The following ZNF572 variants were observed in gnomAD, a reference collection of about 807,000 sequenced individuals.
ZNF572 encodes the protein zinc finger protein 572.
Under a neutral mutation model 3.8 loss-of-function variants are expected in ZNF572, and 2 were observed. The ratio of observed to expected loss-of-function variants is 0.52; its 90% CI spans 0.21 to 1.65. The LOEUF (loss-of-function observed/expected upper bound fraction) is 1.65, where lower values mean the gene tolerates loss of function less well. Among genes scored for constraint, ZNF572 ranks in the 40% most tolerant of loss-of-function variants. The pLI, the probability that ZNF572 is intolerant of heterozygous loss-of-function variation, is 0.20. For missense variants in ZNF572, 581 were observed against 633.4 expected, an observed-to-expected ratio of 0.92 and a Z score of 0.89; for synonymous variants, 187 against 204.5, an observed-to-expected ratio of 0.91 and a Z score of 0.73.
At position 124,978,688 on chromosome 8, in the gene ZNF572, A is replaced by AT. The variant is rs1384811012; in HGVS notation, c.*832dup. The AT allele has an allele frequency of 6.6e-6, 1 of 152,194 alleles. No homozygotes were observed. Among genetic ancestry groups the AT allele is most frequent in the African/African-American group, 2.4e-5 (1 of 41,452 alleles). 9.4% of individuals were successfully genotyped at this position (152,194 alleles called of 1,614,324 possible). A position where few individuals can be genotyped will look rare whatever the true frequency, so the allele number is the denominator to read the frequency against. ...GGTTTAGACATTGGATATTTTAATGATTGTGTGTTCTAATTCATGTGCTGC... is the reference window on the plus strand; with the variant it reads ...GGTTTAGACATTGGATATTTTAATGATTTGTGTGTTCTAATTCATGTGCTGC... On this transcript the variant is annotated 3_prime_UTR_variant, in exon 3 of 3. Transcript: ENST00000319286.
chr8:124,976,190 A>G (rs1489241263), intron 2 of ZNF572, among the ~76,000 whole-genome samples, 158 bp from the exon 3 acceptor site: 2 of 152,242 alleles, frequency 1.3e-5, no homozygotes, highest in Non-Finnish European at 2.9e-5. Context: ...TGCTTCTGGT[A>G]AACAGAGGAA....
chr8:124,976,840 G>A lies in ZNF572; in HGVS notation c.572G>A (p.Gly191Asp). 6.2e-7 allele frequency: 1 copy of A among 1,612,024 alleles called. No individual in the cohort carries two copies. Among genetic ancestry groups the A allele is most frequent in the East Asian group, 2.2e-5 (1 of 44,680 alleles). The change falls in exon 3 of 3, where the codon GGT (glycine) becomes GAT (aspartate). Residue 191 changes from glycine (G) to aspartate (D), a missense_variant. Gly to Asp is a moderately conservative substitution (Grantham distance 94). Transcript: ENST00000319286. The part of the protein sequence containing the change: ...MHTGEKPYQC[G>D]ECGKSFSNTS... ...ACAGGAGAGAAGCCCTACCAGTGTG[G>A]TGAATGTGGGAAAAGCTTCAGCAAT... is the stretch of plus-strand genomic sequence containing the variant.
rs754676557 is a variant in ZNF572 at position 124,977,572 on chromosome 8, C to A, written c.1304C>A (p.Thr435Lys). 8 of 1,614,218 alleles carry A rather than the reference C, an allele frequency of 5.0e-6. No homozygotes were observed. The highest frequency in any genetic ancestry group is 6.8e-6 in the Non-Finnish European group (8 of 1,180,038). ...CTGGTGATTCACCAAAGGACACATA[C>A]AGGAGAGAAACCTTATAAATGTCCT... is the stretch of plus-strand genomic sequence containing the variant. ...STLVIHQRTH[T>K]GEKPYKCPDC... Residue 435 changes from threonine to lysine, a missense_variant, in exon 3 of 3, where the codon ACA becomes AAA. Physicochemically the swap from Thr to Lys is moderately conservative, Grantham distance 78. Transcript: ENST00000319286.
intron 2 of ZNF572, among the ~76,000 whole-genome samples, chr8:124,976,072 C>T (rs947737020): frequency 6.6e-6 from 1 of 152,028 alleles, no homozygotes; most frequent in Admixed American, 6.6e-5. Flanking sequence ...TCTCTTAAGT[C>T]TTCTAGAACA....
Position 124,977,695 on chromosome 8 carries a change from G to A in ZNF572, c.1427G>A (p.Cys476Tyr). The part of the protein sequence containing the change: ...KPYKCTSCEK[C>Y]FSRSAYLSQH... The stretch of plus-strand genomic sequence containing the variant: ...TACAAATGTACCAGCTGTGAGAAAT[G>A]CTTCAGCAGAAGTGCCTACCTCAGT... The change falls in exon 3 of 3, where the codon TGC becomes TAC. Residue 476 changes from cysteine to tyrosine, a missense_variant. Coordinates refer to ENST00000319286, the MANE Select transcript of ZNF572 (RefSeq NM_152412.3). 1 of 1,614,222 alleles carries A rather than the reference G, an allele frequency of 6.2e-7. No homozygotes were observed. Among genetic ancestry groups the A allele is most frequent in the East Asian group, 2.2e-5 (1 of 44,890 alleles).
Position 124,976,828 on chromosome 8 carries a change from C to A in ZNF572, c.560C>A (p.Pro187His), listed in dbSNP as rs747181195. 4 of 1,614,088 alleles carry A rather than the reference C, an allele frequency of 2.5e-6. No individual in the cohort carries two copies. The highest frequency in any genetic ancestry group is 3.4e-6 in the Non-Finnish European group (4 of 1,180,016). Reference sequence around the variant, plus strand: ...CTAAGAATGCACACAGGAGAGAAGCCCTACCAGTGTGGTGAATGTGGGAAA... The same window carrying A: ...CTAAGAATGCACACAGGAGAGAAGCACTACCAGTGTGGTGAATGTGGGAAA... The part of the protein sequence containing the change: ...QHLRMHTGEK[P>H]YQCGECGKSF... The change falls in exon 3 of 3, where the codon CCC becomes CAC. Residue 187 changes from proline to histidine, a missense_variant. Coordinates refer to ENST00000319286, the MANE Select transcript of ZNF572 (RefSeq NM_152412.3).
rs555282500 is a variant in ZNF572, at chr8:124,977,686, G to GT, written c.1419dup (p.Glu474Ter). The GT allele has an allele frequency of 2.0e-5, 32 of 1,614,128 alleles. No homozygotes were observed. The highest frequency in any genetic ancestry group is 2.7e-5 in the Non-Finnish European group (32 of 1,180,044). ...GAAAAACCTTACAAATGTACCAGCT[G>GT]TGAGAAATGCTTCAGCAGAAGTGCC... On this transcript the variant is annotated frameshift_variant, in exon 3 of 3. Coordinates refer to ENST00000319286, the MANE Select transcript of ZNF572 (RefSeq NM_152412.3). LOFTEE classifies it low-confidence loss of function (END_TRUNC).
chr8:124,975,720 G>GT lies in ZNF572; in HGVS notation c.79+2dup, dbSNP rs1263705659. On this transcript the variant is annotated splice_donor_variant, in intron 2 of 2. Transcript: ENST00000319286. LOFTEE classifies it high-confidence loss of function. ...GAGAGTTTGAAAAGCCCTTTCACAG[G>GT]TGAGGGATCAAGACGATGATCTGAA... 2 of 1,612,782 alleles carry GT rather than the reference G, an allele frequency of 1.2e-6. No individual in the cohort carries two copies. The highest frequency in any genetic ancestry group is 1.7e-6 in the Non-Finnish European group (2 of 1,178,874).
chr8:124,975,880 T>C (rs995133266), intron 2 of ZNF572, among the ~76,000 whole-genome samples, 161 bp downstream of exon 2: 16 of 152,248 alleles, frequency 1.1e-4, no homozygotes, highest in African/African-American at 3.9e-4. Context: ...AAATGAATAA[T>C]ATCTATTTCA....
In ZNF572 at chr8:124,975,831, G is replaced by A. The variant is rs144231474; in HGVS notation, c.79+112G>A. 1.8e-3 allele frequency: 1,424 copies of A among 770,988 alleles called. 7 individuals carry two copies. Among genetic ancestry groups the A allele is most frequent in the Middle Eastern group, 8.4e-3 (36 of 4,270 alleles). 47.8% of individuals were successfully genotyped at this position (770,988 alleles called of 1,614,324 possible). A position where few individuals can be genotyped will look rare whatever the true frequency, so the allele number is the denominator to read the frequency against. On this transcript the variant is annotated intron_variant, in intron 2 of 2. Transcript: ENST00000319286. The stretch of plus-strand genomic sequence containing the variant: ...TTCCTTGTTCTGTCACTTATAAGCT[G>A]TGTTAATTATTTCAGCCTCATTGTT...
chr8:124,977,940 A>G lies in ZNF572; in HGVS notation c.*82A>G. On this transcript the variant is annotated 3_prime_UTR_variant, in exon 3 of 3. Transcript: ENST00000319286. ...GGTATTCTGTGATTGTTGTGCTATAAAGTTTCTTTGATGTGTTTGTCAAAA... is the reference window on the plus strand; with the variant it reads ...GGTATTCTGTGATTGTTGTGCTATAGAGTTTCTTTGATGTGTTTGTCAAAA... The G allele has an allele frequency of 7.0e-7, 1 of 1,432,840 alleles. No homozygotes were observed. Among genetic ancestry groups the G allele is most frequent in the South Asian group, 1.4e-5 (1 of 69,276 alleles). 88.8% of individuals were successfully genotyped at this position (1,432,840 alleles called of 1,614,324 possible). A position where few individuals can be genotyped will look rare whatever the true frequency, so the allele number is the denominator to read the frequency against.
rs1814550135 is a variant in ZNF572, at chr8:124,978,860, TG to T, written c.*1005del. The stretch of plus-strand genomic sequence containing the variant: ...TGTAATTCTTGGTCAGCTCAAGAAC[TG>T]GGTTCTTTTTCTAATAATTAACTCA... On this transcript the variant is annotated 3_prime_UTR_variant, in exon 3 of 3. Coordinates refer to ENST00000319286, the MANE Select transcript of ZNF572 (RefSeq NM_152412.3). 6.6e-6 allele frequency: 1 copy of T among 152,232 alleles called. No homozygotes were observed. Among genetic ancestry groups the T allele is most frequent in the Non-Finnish European group, 1.5e-5 (1 of 68,048 alleles). 9.4% of individuals were successfully genotyped at this position (152,232 alleles called of 1,614,324 possible).
chr8:124,975,029 C>T (rs1242583218), intron 1 of ZNF572, among the ~76,000 whole-genome samples: 2 of 152,072 alleles, frequency 1.3e-5, no homozygotes, highest in Non-Finnish European at 2.9e-5. Flanking sequence ...GGAAGAGGTC[C>T]CTCTTTAGCC....
chr8:124,977,699 C>T lies in ZNF572; in HGVS notation c.1431C>T (p.Phe477=). 1 of 1,614,224 alleles carries T rather than the reference C, an allele frequency of 6.2e-7. No homozygotes were observed. The highest frequency in any genetic ancestry group is 8.5e-7 in the Non-Finnish European group (1 of 1,180,036). The change falls in exon 3 of 3, where the codon TTC becomes TTT. Residue 477 remains phenylalanine, a synonymous_variant. Coordinates refer to ENST00000319286, the MANE Select transcript of ZNF572 (RefSeq NM_152412.3). ...AATGTACCAGCTGTGAGAAATGCTTCAGCAGAAGTGCCTACCTCAGTCAGC... is the reference window on the plus strand; with the variant it reads ...AATGTACCAGCTGTGAGAAATGCTTTAGCAGAAGTGCCTACCTCAGTCAGC... ...PYKCTSCEKC[F]SRSAYLSQHR...
rs1352131982 is a variant in ZNF572, at chr8:124,978,451, T to A, written c.*593T>A. On this transcript the variant is annotated 3_prime_UTR_variant, in exon 3 of 3. Transcript: ENST00000319286. ...TGAAATTTTAAATCCAGTTCCTCAG[T>A]CACACTAGCCACTTTCTAAGTGCTC... The A allele has an allele frequency of 6.6e-6, 1 of 152,252 alleles. No homozygotes were observed. Among genetic ancestry groups the A allele is most frequent in the Non-Finnish European group, 1.5e-5 (1 of 68,072 alleles). 9.4% of individuals were successfully genotyped at this position (152,252 alleles called of 1,614,324 possible). A position where few individuals can be genotyped will look rare whatever the true frequency, so the allele number is the denominator to read the frequency against.
Position 124,977,008 on chromosome 8 carries a change from C to T in ZNF572, c.740C>T (p.Ser247Phe). 6.2e-7 allele frequency: 1 copy of T among 1,614,042 alleles called. No homozygotes were observed. The highest frequency in any genetic ancestry group is 8.5e-7 in the Non-Finnish European group (1 of 1,180,012). ...SHTGEKPYECSVCGKGFSHSY... is the reference protein window; with the variant it reads ...SHTGEKPYECFVCGKGFSHSY... ...ACAGGTGAAAAACCATATGAATGTT[C>T]TGTCTGCGGAAAAGGCTTCAGTCAC... Residue 247 changes from serine to phenylalanine, a missense_variant, in exon 3 of 3, where the codon TCT becomes TTT. Physicochemically the swap from Ser to Phe is radical, Grantham distance 155. Coordinates refer to ENST00000319286, the MANE Select transcript of ZNF572 (RefSeq NM_152412.3).
At chr8:124,975,114 T>A (rs1814491045) in intron 1 of ZNF572, among the ~76,000 whole-genome samples, 1 of 152,210 alleles carries the variant, frequency 6.6e-6, no homozygotes, top group African/African-American at 2.4e-5. Context: ...TTACTGGTTA[T>A]ATAAATCCTA....
rs1408153677 is a variant in ZNF572 at position 124,976,916 on chromosome 8, C to T, written c.648C>T (p.Tyr216=). The T allele has an allele frequency of 1.2e-6, 2 of 1,613,802 alleles. No individual in the cohort carries two copies. Among genetic ancestry groups the T allele is most frequent in the Non-Finnish European group, 1.7e-6 (2 of 1,179,964 alleles). ...HERTHTGEKP[Y]KCPECGKRFS... is the part of the protein sequence containing the mutation. ...GAACTCACACGGGAGAGAAACCCTACAAATGTCCCGAGTGTGGGAAGAGAT... is the reference window on the plus strand; with the variant it reads ...GAACTCACACGGGAGAGAAACCCTATAAATGTCCCGAGTGTGGGAAGAGAT... Residue 216 remains tyrosine (Y), a synonymous_variant, in exon 3 of 3, where the codon TAC becomes TAT. Transcript: ENST00000319286.
intron 1 of ZNF572, among the ~76,000 whole-genome samples, chr8:124,974,468 TATTTC>T (rs778937279): frequency 1.2e-4 from 18 of 152,334 alleles, no homozygotes; most frequent in African/African-American, 2.6e-4. Flanking sequence ...GTGTGCAAAT[TATTTC>T]ATTCACTACC....
Sources: gnomAD v4.1 joint callset for allele counts (sites outside exome capture counted in the v4.1 genomes callset) on GRCh38, gnomAD v4.1.1 for gene constraint, MANE v1.5 for transcripts, NCBI Gene and HGNC (gene_info 2026-07-23, HGNC 2026-07-21) for gene names.